The following HNRNPH1 variants were observed in gnomAD, a reference collection of about 807,000 sequenced individuals.
HNRNPH1 encodes the protein heterogeneous nuclear ribonucleoprotein H.
Under a neutral mutation model 58.6 loss-of-function variants are expected in HNRNPH1, and 4 were observed. That is an observed-to-expected ratio of 0.07 (90% confidence interval 0.03 to 0.16). HNRNPH1 has a LOEUF of 0.16. HNRNPH1 is among the 10% of genes least tolerant of loss of function. HNRNPH1 has a pLI of 1.00. For synonymous variants in HNRNPH1, 192 were observed against 189.2 expected, an observed-to-expected ratio of 1.01 and a Z score of -0.12; for missense variants, 271 against 564.2, an observed-to-expected ratio of 0.48 and a Z score of 5.26.
chr5:179,630,626 T>C (rs1249567346), intron 2 of HNRNPH1, among the ~76,000 whole-genome samples: 2 of 151,674 alleles, frequency 1.3e-5, no homozygotes, highest in Non-Finnish European at 2.9e-5. Flanking sequence ...AATGCATACA[T>C]TTCGGCCTGA....
upstream of HNRNPH1, among the ~76,000 whole-genome samples, chr5:179,625,365 G>T (rs578165916): frequency 9.2e-6 from 1 of 108,864 alleles, no homozygotes; most frequent in African/African-American, 3.4e-5. Context: ...GCATGCACAC[G>T]CCTGTAATCC....
intron 1 of HNRNPH1, chr5:179,621,757 T>C: frequency 5.4e-6 from 2 of 372,086 alleles, no homozygotes; most frequent in South Asian, 4.2e-5. Context: ...CGAGCTGTTT[T>C]GGTCTGGGGC....
chr5:179,630,473 C>A (rs1261810776), intron 2 of HNRNPH1, among the ~76,000 whole-genome samples: 7 of 152,070 alleles, frequency 4.6e-5, no homozygotes, highest in African/African-American at 1.7e-4. Context: ...TAACGCAAAG[C>A]CTTTGCAACT....
chr5:179,616,774 A>G, intron 10 of HNRNPH1, 95 bp downstream of exon 11: 3 of 1,109,542 alleles, frequency 2.7e-6, no homozygotes, highest in Non-Finnish European at 4.0e-6. Context: ...TAAGTTTCTT[A>G]TGCTAAACTT....
intron 10 of HNRNPH1, chr5:179,616,509 G>A (rs1379346312): frequency 1.9e-6 from 1 of 518,776 alleles, no homozygotes; most frequent in Non-Finnish European, 3.4e-6. Context: ...TGCTTGACTG[G>A]ATTTAGTGGG....
upstream of HNRNPH1, among the ~76,000 whole-genome samples, chr5:179,627,492 G>A (rs1314009684): frequency 4.7e-5 from 4 of 84,322 alleles, no homozygotes; most frequent in Non-Finnish European, 1.0e-4. Flanking sequence ...CATGATGCTC[G>A]GCCCTGATTT....
At chr5:179,626,868 C>T (rs1057049102), upstream of HNRNPH1, among the ~76,000 whole-genome samples, 8 of 151,312 alleles carry the variant, frequency 5.3e-5, no homozygotes, top group Middle Eastern at 3.4e-3. Flanking sequence ...CTCCGCCTCC[C>T]AGGTTCACAC....
Position 179,616,367 on chromosome 5 carries a change from A to C in HNRNPH1, c.1208-149T>G, listed in dbSNP as rs1299228140. On this transcript the variant is annotated intron_variant, in intron 10 of 12. Coordinates refer to ENST00000356731, the Ensembl canonical transcript of HNRNPH1. ...CTCCTTCTGCCTACTGTCTATAACC[A>C]GGCCACCCTTCTATCCATCATTTGA... The C allele has an allele frequency of 4.5e-6, 3 of 666,710 alleles. No individual in the cohort carries two copies. In the African/African-American group the frequency reaches 5.3e-5, roughly 12 times the overall value. The allele number at this position is 666,710 out of a possible 1,614,324, so 41.3% of individuals were successfully genotyped here.
exon 1 of HNRNPH1, chr5:179,623,062 G>A (rs370689693): frequency 1.9e-6 from 3 of 1,596,704 alleles, no homozygotes; most frequent in South Asian, 2.2e-5. Flanking sequence ...GCACTTCATC[G>A]GCCGAGCAAG....
intron 5 of HNRNPH1, 26 bp downstream of exon 6, chr5:179,618,119 G>A (rs762182057): frequency 1.9e-6 from 3 of 1,613,356 alleles, no homozygotes; most frequent in African/African-American, 2.7e-5. Flanking sequence ...CAGACGACTT[G>A]CCGAACCTTA....
intron 2 of HNRNPH1, among the ~76,000 whole-genome samples, chr5:179,632,455 T>G (rs1166081347): frequency 6.6e-6 from 1 of 152,232 alleles, no homozygotes; most frequent in African/African-American, 2.4e-5. Flanking sequence ...AGCCCCACTG[T>G]TGTGTTGAAG....
upstream of HNRNPH1, among the ~76,000 whole-genome samples, chr5:179,627,442 C>T (rs1562364894): frequency 1.3e-5 from 2 of 151,822 alleles, no homozygotes; most frequent in Non-Finnish European, 2.9e-5. Context: ...ATTCTCCCAC[C>T]TTGGCCTCTC....
At chr5:179,621,548 T>G in intron 1 of HNRNPH1, 151 bp from the exon 3 acceptor site, 1 of 621,874 alleles carries the variant, frequency 1.6e-6, no homozygotes, top group Non-Finnish European at 2.8e-6. Flanking sequence ...CTCCTAAAAC[T>G]CCAATTAAAA....
In HNRNPH1 at chr5:179,619,218, A is replaced by C. The variant is rs774056787; in HGVS notation, c.536+51T>G. 15 of 1,463,198 alleles carry C rather than the reference A, an allele frequency of 1.0e-5. No individual in the cohort carries two copies. The Admixed American group carries it at 2.0e-4, about 20-fold the overall frequency. 90.6% of individuals were successfully genotyped at this position (1,463,198 alleles called of 1,614,324 possible). ...TTTTAAGCAGAGAGAATATGGATTT[A>C]ATTGTTTACCATAAGAAAAGTGACA... is the stretch of plus-strand genomic sequence containing the variant. On this transcript the variant is annotated intron_variant, in intron 4 of 12. Transcript: ENST00000356731.
At chr5:179,631,029 T>A (rs1774787182) in intron 2 of HNRNPH1, among the ~76,000 whole-genome samples, 1 of 152,148 alleles carries the variant, frequency 6.6e-6, no homozygotes, top group African/African-American at 2.4e-5. Context: ...TACAAGATTG[T>A]TCATGGCAGC....
chr5:179,616,356 T>C (rs1478125601), intron 10 of HNRNPH1, 138 bp from the exon 12 acceptor site: 4 of 721,642 alleles, frequency 5.5e-6, no homozygotes, highest in African/African-American at 1.7e-5. Flanking sequence ...TTCTGCCTAC[T>C]GTCTATAACC....
At chr5:179,618,568 G>T in intron 4 of HNRNPH1, 1 of 371,272 alleles carries the variant, frequency 2.7e-6, no homozygotes, top group South Asian at 5.6e-5. Flanking sequence ...CCAACCTTAG[G>T]GGTAGAGAGG....
chr5:179,625,950 TA>T (rs1774355133), upstream of HNRNPH1, among the ~76,000 whole-genome samples: 1 of 151,300 alleles, frequency 6.6e-6, no homozygotes, highest in African/African-American at 2.4e-5. Flanking sequence ...TTTATTTATT[TA>T]TTTATTTATT....
chr5:179,614,806 A>AAG, exon 13 of HNRNPH1: 2 of 738,328 alleles, frequency 2.7e-6, no homozygotes, highest in Non-Finnish European at 2.1e-6. Context: ...AAAAAAAAAA[A>AAG]GGTTGACCAA....
Sources: allele counts gnomAD v4.1 joint callset (sites outside exome capture counted in the v4.1 genomes callset), GRCh38; gene constraint gnomAD v4.1.1; transcripts MANE v1.5; gene names NCBI Gene and HGNC (gene_info 2026-07-23, HGNC 2026-07-21).